The following USH2A variants were observed in gnomAD, a reference collection of about 807,000 sequenced individuals.
The protein encoded by USH2A is Usher syndrome 2A (autosomal recessive, mild).
USH2A carries 443 observed loss-of-function variants against 538.9 expected under a neutral mutation model. The observed-to-expected ratio is 0.82, with a 90% confidence interval of 0.76 to 0.89. USH2A has a LOEUF of 0.89. Ranked by LOEUF, USH2A falls within the 40% of genes least tolerant of loss-of-function variation. The pLI is 0.00. For synonymous variants in USH2A, 2,413 were observed against 2,273.5 expected, an observed-to-expected ratio of 1.06 and a Z score of -1.75; for missense variants, 6,633 against 6,324.8, an observed-to-expected ratio of 1.05 and a Z score of -1.65.
intron 14 of USH2A, among the ~76,000 whole-genome samples, chr1:216,225,218 A>T (rs1402553206): frequency 1.3e-5 from 2 of 152,200 alleles, no homozygotes; most frequent in East Asian, 3.8e-4. Context: ...TACAATAACA[A>T]CCAGAAGTCA....
At chr1:215,859,493 C>G (rs958940105) in intron 44 of USH2A, among the ~76,000 whole-genome samples, 4 of 151,974 alleles carry the variant, frequency 2.6e-5, no homozygotes, top group Non-Finnish European at 5.9e-5. Context: ...GAGATCACAC[C>G]ACTGCACTCC....
intron 26 of USH2A, among the ~76,000 whole-genome samples, chr1:216,081,591 AT>A (rs111750394): frequency 1.3e-5 from 2 of 150,992 alleles, no homozygotes; most frequent in African/African-American, 2.4e-5. Flanking sequence ...AAGTGTATTG[AT>A]TTTTTTTTGT....
Position 215,625,213 on chromosome 1 carries a change from T to C in USH2A, c.*568A>G, listed in dbSNP as rs1655971799. 6.3e-6 allele frequency: 1 copy of C among 159,834 alleles called. No homozygotes were observed. Among genetic ancestry groups the C allele is most frequent in the Non-Finnish European group, 1.4e-5 (1 of 72,514 alleles). The allele number at this position is 159,834 out of a possible 1,614,324, so 9.9% of individuals were successfully genotyped here. On this transcript the variant is annotated 3_prime_UTR_variant, in exon 72 of 72. Coordinates refer to ENST00000307340, the MANE Select transcript of USH2A (RefSeq NM_206933.4). ...TAAATAAATAGAACCTTCAGCCTTG[T>C]CAAAAAGTTTGGTAAGTAACCCTAT...
chr1:215,935,792 A>G (rs1666477167), intron 37 of USH2A, among the ~76,000 whole-genome samples: 1 of 152,052 alleles, frequency 6.6e-6, no homozygotes, highest in African/African-American at 2.4e-5. Context: ...TAGAAATGAT[A>G]CAATAACTCT....
At chr1:216,395,273 T>C (rs551996330) in intron 3 of USH2A, among the ~76,000 whole-genome samples, 2 of 152,232 alleles carry the variant, frequency 1.3e-5, no homozygotes, top group Admixed American at 6.5e-5. Context: ...TGTATCCTAC[T>C]TTAAGTAAAA....
chr1:216,120,219 C>CAAAAAAAAAAAAAAAAAAAAAAAAAAA (rs10525093), intron 21 of USH2A, among the ~76,000 whole-genome samples: 1 of 100,070 alleles, frequency 1.0e-5, no homozygotes, highest in African/African-American at 3.8e-5. Context: ...TACTAAATAG[C>CAAAAAAAAAAAAAAAAAAAAAAAAAAA]AAAAAAAAAA....
chr1:216,104,112 A>G (rs1298786245), intron 21 of USH2A, among the ~76,000 whole-genome samples: 1 of 152,000 alleles, frequency 6.6e-6, no homozygotes, highest in Non-Finnish European at 1.5e-5. Flanking sequence ...ACATGTGCAC[A>G]ACGTGCAGGT....
At chr1:215,727,681 C>T (rs6668160) in intron 61 of USH2A, among the ~76,000 whole-genome samples, 97,905 of 151,800 alleles carry the variant, frequency 0.64, 34,674 homozygotes, top group Non-Finnish European at 0.81. Flanking sequence ...GCTGAGACCA[C>T]GCCACTCCAC....
At chr1:215,719,685 T>A (rs1156699064) in intron 61 of USH2A, among the ~76,000 whole-genome samples, 1 of 152,188 alleles carries the variant, frequency 6.6e-6, no homozygotes, top group Non-Finnish European at 1.5e-5. Context: ...CCCTTTACAG[T>A]ACTTTGCATA....
At chr1:215,976,273 T>C (rs1667617222) in intron 35 of USH2A, among the ~76,000 whole-genome samples, 1 of 152,148 alleles carries the variant, frequency 6.6e-6, no homozygotes, top group South Asian at 2.1e-4. Context: ...TAGTTTTACT[T>C]CTTCTTTTCC....
At chr1:216,052,376 A>AG (rs2030817785) in intron 30 of USH2A, among the ~76,000 whole-genome samples, 1 of 151,868 alleles carries the variant, frequency 6.6e-6, no homozygotes, top group Admixed American at 6.6e-5. Context: ...AAAAAAAAAA[A>AG]AAGAAAGAAA....
chr1:216,137,255 T>C (rs1404016372), intron 21 of USH2A, among the ~76,000 whole-genome samples: 2 of 152,128 alleles, frequency 1.3e-5, no homozygotes, highest in Non-Finnish European at 2.9e-5. Flanking sequence ...TTAGTTTGTT[T>C]TCACGCTGCT....
intron 26 of USH2A, among the ~76,000 whole-genome samples, chr1:216,080,967 T>C (rs2031923210): frequency 6.6e-6 from 1 of 151,984 alleles, no homozygotes; most frequent in Non-Finnish European, 1.5e-5. Flanking sequence ...ATCCTAAGAT[T>C]ATTTTTCTTT....
intron 11 of USH2A, among the ~76,000 whole-genome samples, chr1:216,282,538 A>T (rs2036802781): frequency 6.6e-6 from 1 of 152,210 alleles, no homozygotes; most frequent in Non-Finnish European, 1.5e-5. Context: ...ATTGACTATA[A>T]ATATGAGGGC....
chr1:215,681,331 G>A (rs1346036469), intron 61 of USH2A, among the ~76,000 whole-genome samples: 1 of 83,266 alleles, frequency 1.2e-5, no homozygotes, highest in South Asian at 2.8e-4. Context: ...ACACACACAC[G>A]AACACACACA....
chr1:215,714,870 C>A (rs1379123914), intron 61 of USH2A, among the ~76,000 whole-genome samples: 1 of 152,134 alleles, frequency 6.6e-6, no homozygotes, highest in African/African-American at 2.4e-5. Flanking sequence ...TTGAAGGGTT[C>A]AAGTCTTACT....
rs1380141085 is a variant in USH2A, at chr1:216,246,916, G to T, written c.2478C>A (p.Cys826Ter). ...ICKPNVEGRQCNKCLEGNFYL... is the reference protein window; with the variant it reads ...ICKPNVEGRQ ...AGAAGTTTCCCTCCAAACATTTATT[G>T]CACTGTCTCCCTTCAACATTGGGCT... Residue 826 changes from cysteine to a stop codon, truncating the protein, a stop_gained, in exon 13 of 72, where the codon TGC becomes TGA. Coordinates refer to ENST00000307340, the MANE Select transcript of USH2A (RefSeq NM_206933.4). LOFTEE classifies it high-confidence loss of function. 4.3e-6 allele frequency: 7 copies of T among 1,614,128 alleles called. No individual in the cohort carries two copies. Among genetic ancestry groups the T allele is most frequent in the South Asian group, 1.1e-5 (1 of 91,088 alleles).
At chr1:216,267,834 C>T (rs1045425602) in intron 11 of USH2A, among the ~76,000 whole-genome samples, 1 of 152,138 alleles carries the variant, frequency 6.6e-6, no homozygotes, top group Non-Finnish European at 1.5e-5. Flanking sequence ...ACCTTTACAT[C>T]ATCCATTGAT....
At position 216,325,311 on chromosome 1, in the gene USH2A, C is replaced by G; in HGVS notation, c.1137G>C (p.Gln379His). 1 of 1,613,630 alleles carries G rather than the reference C, an allele frequency of 6.2e-7. No homozygotes were observed. Among genetic ancestry groups the G allele is most frequent in the Non-Finnish European group, 8.5e-7 (1 of 1,179,792 alleles). Residue 379 changes from glutamine to histidine, a missense_variant, in exon 6 of 72, where the codon CAG (glutamine) becomes CAC (histidine). Transcript: ENST00000307340. The stretch of plus-strand genomic sequence containing the variant: ...CCTTATCGTTTCTCATTACCTGATA[C>G]TGTCCATTTTCCAAATCAACTGAAA... ...VTISVDLENG[Q>H]YQVFYIIIQF...
Sources: gnomAD v4.1 joint callset for allele counts (sites outside exome capture counted in the v4.1 genomes callset) on GRCh38, gnomAD v4.1.1 for gene constraint, MANE v1.5 for transcripts, NCBI Gene and HGNC (gene_info 2026-07-23, HGNC 2026-07-21) for gene names.